SLC8A1: variants seen among roughly 807,000 people sequenced by gnomAD.
SLC8A1 encodes the protein solute carrier family 8 member A1, also known as sodium/calcium exchanger 1.
Under a neutral mutation model 68.3 loss-of-function variants are expected in SLC8A1, and 18 were observed. The ratio of observed to expected loss-of-function variants is 0.26; its 90% confidence interval spans 0.18 to 0.39. The LOEUF is 0.39. SLC8A1 is among the 10% of genes least tolerant of loss of function. SLC8A1 has a pLI of 1.00. For missense variants in SLC8A1, 985 were observed against 1,156.7 expected (o/e 0.85, Z 2.15); for synonymous variants, 475 against 415.5 (o/e 1.14, Z -1.74).
At chr2:40,313,809 T>C (rs551877837) in intron 2 of SLC8A1, among the ~76,000 whole-genome samples, 2 of 152,256 alleles carry the variant, frequency 1.3e-5, no homozygotes, top group Non-Finnish European at 1.5e-5. Flanking sequence ...TATTTCCATG[T>C]GCTTATTTGT....
chr2:40,172,288 A>T (rs1203011080), intron 4 of SLC8A1, among the ~76,000 whole-genome samples: 1 of 152,208 alleles, frequency 6.6e-6, no homozygotes, highest in African/African-American at 2.4e-5. Flanking sequence ...GATTTCTTAG[A>T]AAGTAGGAAT....
chr2:40,139,796 G>A (rs62150899), intron 6 of SLC8A1, 120 bp from the exon 10 acceptor site: 8 of 993,190 alleles, frequency 8.1e-6, no homozygotes, highest in Non-Finnish European at 1.2e-5. Flanking sequence ...GCCATGAGAG[G>A]TGGGTGAAGT....
chr2:40,361,886 CCTTT>C (rs1674731507), intron 2 of SLC8A1, among the ~76,000 whole-genome samples: 3 of 80,928 alleles, frequency 3.7e-5, no homozygotes, highest in Non-Finnish European at 7.5e-5. Flanking sequence ...TCTTTTCTTT[CCTTT>C]TTTTTTTTTT....
chr2:40,431,955 T>C (rs1466753562), intron 1 of SLC8A1, among the ~76,000 whole-genome samples: 2 of 152,110 alleles, frequency 1.3e-5, no homozygotes, highest in Non-Finnish European at 2.9e-5. Context: ...ATTTTTCCCA[T>C]ACTAAAGAAA....
At chr2:40,285,717 C>CT (rs1309450531) in intron 2 of SLC8A1, among the ~76,000 whole-genome samples, 4 of 152,096 alleles carry the variant, frequency 2.6e-5, no homozygotes, top group African/African-American at 4.8e-5. Context: ...ACTTGCAGTG[C>CT]TTTTGGTTTT....
intron 1 of SLC8A1, among the ~76,000 whole-genome samples, chr2:40,442,920 A>T (rs975313504): frequency 2.5e-4 from 38 of 152,342 alleles, no homozygotes; most frequent in African/African-American, 9.1e-4. Flanking sequence ...AATACTATGC[A>T]GCCATAACAA....
Position 40,115,406 on chromosome 2 carries a change from C to T in SLC8A1, c.2661G>A (p.Gly887=), listed in dbSNP as rs369203488. 5.6e-6 allele frequency: 9 copies of T among 1,613,984 alleles called. No individual in the cohort carries two copies. The African/African-American group carries it at 8.0e-5, about 14-fold the overall frequency. ...CTGGCCTCCGCCGATACAGCAGCAC[C>T]CCCACATTGATGAAAGCAAAAATGG... The change falls in exon 8 of 8, where the codon GGG becomes GGA. Residue 887 remains glycine (G), a synonymous_variant. Transcript: ENST00000406785.
chr2:40,361,585 T>G (rs1674648265), intron 2 of SLC8A1, among the ~76,000 whole-genome samples: 1 of 151,976 alleles, frequency 6.6e-6, no homozygotes, highest in South Asian at 2.1e-4. Context: ...CAATCTGAAG[T>G]GCAATCAAGA....
chr2:40,121,725 T>G (rs955093289), intron 7 of SLC8A1, among the ~76,000 whole-genome samples: 3 of 152,194 alleles, frequency 2.0e-5, no homozygotes, highest in African/African-American at 7.2e-5. Context: ...ATTTTTATAA[T>G]ACAACAGAGC....
At position 40,203,108 on chromosome 2, in the gene SLC8A1, T is replaced by C. The variant is rs991176395; in HGVS notation, c.1809-25253A>G. Among the ~76,000 whole-genome samples, 5 of 151,936 alleles carry C rather than the reference T, an allele frequency of 3.3e-5. No individual in the cohort carries two copies. The East Asian group carries it at 7.8e-4, about 24-fold the overall frequency. ...TCGATAAAACAAAAGGATTAAACTTTTGACAGACTTTCCCTATTCTCACCA... is the reference window on the plus strand; with the variant it reads ...TCGATAAAACAAAAGGATTAAACTTCTGACAGACTTTCCCTATTCTCACCA... On this transcript the variant is annotated intron_variant, in intron 2 of 7. Coordinates refer to ENST00000406785, the Ensembl canonical transcript of SLC8A1.
chr2:40,279,485 T>G (rs1338711049), intron 2 of SLC8A1, among the ~76,000 whole-genome samples: 4 of 152,180 alleles, frequency 2.6e-5, no homozygotes, highest in Non-Finnish European at 5.9e-5. Flanking sequence ...TAATATCAAT[T>G]TGGGGCACTG....
At chr2:40,425,447 C>G (rs1043847399) in intron 2 of SLC8A1, among the ~76,000 whole-genome samples, 2 of 151,826 alleles carry the variant, frequency 1.3e-5, no homozygotes, top group Non-Finnish European at 3.0e-5. Context: ...GACCTTATTT[C>G]TACCTTTGTT....
At position 40,123,169 on chromosome 2, in the gene SLC8A1, G is replaced by T. The variant is rs531113473; in HGVS notation, c.2438-7540C>A. 3.9e-5 allele frequency: 6 copies of T among 152,320 alleles called. No homozygotes were observed. The South Asian group carries it at 1.2e-3, about 32-fold the overall frequency. 9.4% of individuals were successfully genotyped at this position (152,320 alleles called of 1,614,324 possible). ...AGGTGTCCAAGAGAGAATCCAAGGG[G>T]TGCTGACAAGGTCTAGATAACTGAT... On this transcript the variant is annotated intron_variant, in intron 7 of 7. Coordinates refer to ENST00000406785, the Ensembl canonical transcript of SLC8A1.
chr2:40,129,679 A>G (rs1214055391), intron 7 of SLC8A1, among the ~76,000 whole-genome samples: 4 of 152,204 alleles, frequency 2.6e-5, no homozygotes, highest in Admixed American at 6.5e-5. Context: ...CTGAGCCTCA[A>G]AAGAAAGGGA....
chr2:40,377,776 TCTA>T (rs1247245687), intron 2 of SLC8A1, among the ~76,000 whole-genome samples: 1 of 152,106 alleles, frequency 6.6e-6, no homozygotes, highest in Non-Finnish European at 1.5e-5. Context: ...CAGGTCTACT[TCTA>T]CTACCTTCTC....
At chr2:40,143,212 C>T (rs1233501274) in intron 6 of SLC8A1, among the ~76,000 whole-genome samples, 1 of 152,146 alleles carries the variant, frequency 6.6e-6, no homozygotes, top group Non-Finnish European at 1.5e-5. Context: ...TGCACAATTA[C>T]CCTGTCTTGG....
rs145077257 is a variant in SLC8A1, at chr2:40,288,834, C to CATAT, written c.1809-110983_1809-110980dup. ...TTCGAAAATGTCTCTACTAAGTAAT[C>CATAT]ATATATATATATATATATGTATATA... On this transcript the variant is annotated intron_variant, in intron 2 of 7. Transcript: ENST00000406785. Among the ~76,000 whole-genome samples the CATAT allele has an allele frequency of 1.1e-3, 150 of 132,666 alleles. 2 individuals carry two copies. Among genetic ancestry groups the CATAT allele is most frequent in the African/African-American group, 4.0e-3 (118 of 29,398 alleles). 87.0% of individuals were successfully genotyped at this position (132,666 alleles called of 152,430 possible). A position where few individuals can be genotyped will look rare whatever the true frequency, so the allele number is the denominator to read the frequency against.
chr2:40,449,994 A>T (rs991578408), intron 1 of SLC8A1, among the ~76,000 whole-genome samples: 1 of 152,236 alleles, frequency 6.6e-6, no homozygotes, highest in African/African-American at 2.4e-5. Flanking sequence ...TCCAAATGGA[A>T]TTCTTCAAGC....
intron 2 of SLC8A1, among the ~76,000 whole-genome samples, chr2:40,270,066 G>T (rs1192427244): frequency 6.6e-6 from 1 of 152,158 alleles, no homozygotes; most frequent in African/African-American, 2.4e-5. Flanking sequence ...ATGGTCAGTA[G>T]GTCTTCAAGC....
Sources: gnomAD v4.1 joint callset for allele counts (sites outside exome capture counted in the v4.1 genomes callset) on GRCh38, gnomAD v4.1.1 for gene constraint, MANE v1.5 for transcripts, NCBI Gene and HGNC (gene_info 2026-07-23, HGNC 2026-07-21) for gene names.